MAGI3: variants seen among roughly 807,000 people sequenced by gnomAD.
MAGI3 encodes the protein membrane-associated guanylate kinase, WW and PDZ domain-containing protein 3.
MAGI3 carries 43 observed loss-of-function variants against 121.8 expected under a neutral mutation model. The ratio of observed to expected loss-of-function variants is 0.35; its 90% CI spans 0.28 to 0.46. MAGI3 has a LOEUF of 0.46. Among genes scored for constraint, MAGI3 ranks in the 20% least tolerant of loss-of-function variants. The pLI is 1.00. For synonymous variants in MAGI3, 553 were observed against 639.3 expected (o/e 0.86, Z 2.04); for missense variants, 1,547 against 1,797.3 (o/e 0.86, Z 2.52).
At chr1:113,507,102 G>A (rs1657371262) in intron 1 of MAGI3, among the ~76,000 whole-genome samples, 1 of 152,018 alleles carries the variant, frequency 6.6e-6, no homozygotes, top group Non-Finnish European at 1.5e-5. Flanking sequence ...GAAATGTCTG[G>A]TAAAGAGGAA....
intron 2 of MAGI3, among the ~76,000 whole-genome samples, chr1:113,556,176 G>T (rs1156719682): frequency 1.3e-5 from 2 of 151,946 alleles, no homozygotes; most frequent in African/African-American, 4.8e-5. Context: ...TAAAAAGAAG[G>T]AGGAAAATAC....
intron 2 of MAGI3, among the ~76,000 whole-genome samples, chr1:113,573,280 T>A (rs1647424001): frequency 6.6e-6 from 1 of 152,228 alleles, no homozygotes; most frequent in Admixed American, 6.5e-5. Flanking sequence ...CTTTTAATTG[T>A]GACATTAGGT....
Position 113,642,373 on chromosome 1 carries a change from A to G in MAGI3, c.1823A>G (p.Gln608Arg), listed in dbSNP as rs1347960296. ...AAGGTGAAAATGATACTGGATAGTC[A>G]GTGGTGTCAAGGCCTTCAGAAAGGA... ...GQKVKMILDS[Q>R]WCQGLQKGDI... is the part of the protein sequence containing the mutation. Residue 608 changes from glutamine to arginine, a missense_variant, in exon 10 of 21, where the codon CAG becomes CGG. Physicochemically the swap from Gln to Arg is conservative, Grantham distance 43. Transcript: ENST00000307546. 1.2e-6 allele frequency: 2 copies of G among 1,614,222 alleles called. No individual in the cohort carries two copies. The highest frequency in any genetic ancestry group is 1.7e-6 in the Non-Finnish European group (2 of 1,180,042).
chr1:113,475,676 G>A (rs918044978), intron 1 of MAGI3, among the ~76,000 whole-genome samples: 14 of 152,112 alleles, frequency 9.2e-5, no homozygotes, highest in African/African-American at 3.4e-4. Flanking sequence ...AGGGATATTG[G>A]TCTAAAATTC....
chr1:113,409,183 T>C (rs1274219790), intron 1 of MAGI3, among the ~76,000 whole-genome samples: 1 of 151,952 alleles, frequency 6.6e-6, no homozygotes, highest in African/African-American at 2.4e-5. Context: ...TTTTTCTTTT[T>C]TTTTCCAGTT....
At chr1:113,512,194 C>G (rs766512747) in intron 1 of MAGI3, among the ~76,000 whole-genome samples, 2 of 152,104 alleles carry the variant, frequency 1.3e-5, no homozygotes, top group Non-Finnish European at 2.9e-5. Flanking sequence ...TAAAGCAAAA[C>G]ATTTTTTTCT....
intron 6 of MAGI3, among the ~76,000 whole-genome samples, chr1:113,612,376 A>G (rs1301749419): frequency 6.6e-6 from 1 of 152,186 alleles, no homozygotes; most frequent in Non-Finnish European, 1.5e-5. Flanking sequence ...CTTCCTGTCT[A>G]GACTATAAAC....
intron 1 of MAGI3, among the ~76,000 whole-genome samples, chr1:113,504,466 C>T (rs983037015): frequency 1.2e-4 from 18 of 152,044 alleles, no homozygotes; most frequent in African/African-American, 4.1e-4. Flanking sequence ...GATGCTCAGA[C>T]TTATTAACTG....
At chr1:113,425,323 C>T (rs1469919249) in intron 1 of MAGI3, among the ~76,000 whole-genome samples, 1 of 134,548 alleles carries the variant, frequency 7.4e-6, no homozygotes, top group Non-Finnish European at 1.6e-5. Context: ...TGCTCTGTCG[C>T]CCAGGCTAGA....
At chr1:113,428,041 T>G (rs184519220) in intron 1 of MAGI3, among the ~76,000 whole-genome samples, 1 of 152,286 alleles carries the variant, frequency 6.6e-6, no homozygotes, top group East Asian at 1.9e-4. Context: ...TTCCTCATAT[T>G]CTCCATTTTT....
chr1:113,512,758 G>A (rs1657682937), intron 1 of MAGI3, among the ~76,000 whole-genome samples: 1 of 152,168 alleles, frequency 6.6e-6, no homozygotes, highest in Admixed American at 6.5e-5. Context: ...TCAACATAGT[G>A]TTGGAAGTTC....
chr1:113,607,487 G>A (rs1649846957), intron 6 of MAGI3, among the ~76,000 whole-genome samples: 1 of 152,140 alleles, frequency 6.6e-6, no homozygotes, highest in African/African-American at 2.4e-5. Context: ...ACTACTGATT[G>A]AAGATGATAC....
intron 19 of MAGI3, among the ~76,000 whole-genome samples, chr1:113,673,764 G>T (rs370517643): frequency 1.3e-5 from 2 of 152,134 alleles, no homozygotes; most frequent in Non-Finnish European, 2.9e-5. Context: ...GAGGGTAAAC[G>T]AATTAATAAA....
At chr1:113,467,019 A>G (rs1028918320) in intron 1 of MAGI3, among the ~76,000 whole-genome samples, 1 of 151,982 alleles carries the variant, frequency 6.6e-6, no homozygotes, top group Non-Finnish European at 1.5e-5. Flanking sequence ...CTAGTCCCTT[A>G]AGATGTATCA....
intron 1 of MAGI3, among the ~76,000 whole-genome samples, chr1:113,487,438 AT>A (rs894452741): frequency 3.3e-5 from 5 of 151,666 alleles, no homozygotes; most frequent in East Asian, 1.9e-4. Context: ...GAAGTTGCAA[AT>A]TTTTTTTTGT....
intron 6 of MAGI3, among the ~76,000 whole-genome samples, chr1:113,600,507 A>G (rs1185988395): frequency 6.6e-6 from 1 of 152,260 alleles, no homozygotes; most frequent in South Asian, 2.1e-4. Flanking sequence ...TAGGAATCCA[A>G]CTTACAAGGG....
intron 1 of MAGI3, among the ~76,000 whole-genome samples, chr1:113,395,116 T>TTTTTTTTTTTTTTTTTTTTTTTTTTA (rs1651035975): frequency 1.1e-5 from 1 of 90,524 alleles, no homozygotes; most frequent in African/African-American, 4.5e-5. Flanking sequence ...TTTTTTTTTT[T>TTTTTTTTTTTTTTTTTTTTTTTTTTA]AGTGGGATAT....
At chr1:113,450,114 AGGCAGAGTG>A in intron 1 of MAGI3, 1 of 1,449,816 alleles carries the variant, frequency 6.9e-7, no homozygotes, top group African/African-American at 1.4e-5. Flanking sequence ...TACGGAAGAC[AGGCAGAGTG>A]GGAAAAAGAG....
rs145123472 is a variant in MAGI3 at position 113,567,749 on chromosome 1, CATT to C, written c.434-12790_434-12788del. Among the ~76,000 whole-genome samples, 1,059 of 152,030 alleles carry C rather than the reference CATT, an allele frequency of 7.0e-3. 15 individuals carry two copies. Among genetic ancestry groups the C allele is most frequent in the African/African-American group, 0.023 (968 of 41,536 alleles). On this transcript the variant is annotated intron_variant, in intron 2 of 20. Coordinates refer to ENST00000307546, the MANE Select transcript of MAGI3 (RefSeq NM_001142782.2). ...ACTACCTCAACATAATAAAAGCTAACATTATGCTTAACAGGAAAAGACAGAAGG... is the reference window on the plus strand; with the variant it reads ...ACTACCTCAACATAATAAAAGCTAACATGCTTAACAGGAAAAGACAGAAGG...
Sources: gnomAD v4.1 joint callset for allele counts (sites outside exome capture counted in the v4.1 genomes callset) on GRCh38, gnomAD v4.1.1 for gene constraint, MANE v1.5 for transcripts, NCBI Gene and HGNC (gene_info 2026-07-23, HGNC 2026-07-21) for gene names.